The following ADAMTS3 variants were observed in gnomAD, a reference collection of about 807,000 sequenced individuals.
ADAMTS3 encodes A disintegrin and metalloproteinase with thrombospondin motifs 3.
A neutral mutation model predicts 129.0 loss-of-function variants in ADAMTS3; 73 were observed. The observed-to-expected ratio is 0.57, with a 90% confidence interval of 0.47 to 0.69. The LOEUF (loss-of-function observed/expected upper bound fraction) is 0.69, where lower values mean the gene tolerates loss of function less well. ADAMTS3 is among the 30% of genes least tolerant of loss of function. The pLI is 0.00. For synonymous variants in ADAMTS3, 477 were observed against 510.8 expected, an observed-to-expected ratio of 0.93 and a Z score of 0.89; for missense variants, 1,457 against 1,514.5, an observed-to-expected ratio of 0.96 and a Z score of 0.63.
At chr4:72,299,527 G>T (rs1159993050) in intron 17 of ADAMTS3, among the ~76,000 whole-genome samples, 1 of 152,058 alleles carries the variant, frequency 6.6e-6, no homozygotes, top group Non-Finnish European at 1.5e-5. Context: ...TAGACTGAAG[G>T]GAACAAACAC....
In ADAMTS3 at chr4:72,283,224, C is replaced by T. The variant is rs775498535; in HGVS notation, c.3530G>A (p.Gly1177Asp). ...ASFFAASDSI[G>D]ASSQARTSKK... ...TGAGGTTCTTGCCTGAGAAGAAGCACCTATTGAATCACTGGCTGCAAAGAA... is the reference window on the plus strand; with the variant it reads ...TGAGGTTCTTGCCTGAGAAGAAGCATCTATTGAATCACTGGCTGCAAAGAA... Residue 1177 changes from glycine (G) to aspartate (D), a missense_variant, in exon 22 of 22, where the codon GGT (glycine) becomes GAT (aspartate). Gly to Asp is a moderately conservative substitution (Grantham distance 94, BLOSUM62 -1). Transcript: ENST00000286657. 8.7e-6 allele frequency: 14 copies of T among 1,613,706 alleles called. No homozygotes were observed. The Admixed American group carries it at 1.0e-4, about 12-fold the overall frequency.
At chr4:72,428,933 T>G (rs960039839) in intron 3 of ADAMTS3, among the ~76,000 whole-genome samples, 2 of 152,094 alleles carry the variant, frequency 1.3e-5, no homozygotes, top group Non-Finnish European at 2.9e-5. Flanking sequence ...AAGACTCATA[T>G]ACTTAACTCC....
Position 72,563,455 on chromosome 4 carries a change from T to A in ADAMTS3, c.97+3919A>T, listed in dbSNP as rs553856316. Among the ~76,000 whole-genome samples the A allele has an allele frequency of 1.1e-4, 16 of 152,262 alleles. 1 individual carries two copies. The highest frequency in any genetic ancestry group is 3.9e-4 in the African/African-American group (16 of 41,540). On this transcript the variant is annotated intron_variant, in intron 2 of 21. Transcript: ENST00000286657. ...GATTTTAATCTTAGCTTAGCTTATC[T>A]TTCCTGATGCCAGCAATAGGGCAAA...
At chr4:72,512,231 T>G (rs566298316) in intron 3 of ADAMTS3, among the ~76,000 whole-genome samples, 1 of 152,220 alleles carries the variant, frequency 6.6e-6, no homozygotes, top group African/African-American at 2.4e-5. Flanking sequence ...ATCCCTGCAC[T>G]TTGGGAGGCC....
chr4:72,288,635 C>A, intron 21 of ADAMTS3, 116 bp downstream of exon 21: 1 of 704,022 alleles, frequency 1.4e-6, no homozygotes, highest in Non-Finnish European at 2.5e-6. Context: ...CAGGTGTTTT[C>A]CTTTGGTTAT....
chr4:72,415,103 A>C, intron 3 of ADAMTS3, 132 bp from the exon 4 acceptor site: 1 of 579,144 alleles, frequency 1.7e-6, no homozygotes, highest in Non-Finnish European at 2.6e-6. Context: ...TTTGGCCATA[A>C]CTTAAAATAG....
At chr4:72,440,933 A>G (rs1718097075) in intron 3 of ADAMTS3, among the ~76,000 whole-genome samples, 2 of 151,800 alleles carry the variant, frequency 1.3e-5, no homozygotes, top group South Asian at 4.1e-4. Context: ...AACATAAGAT[A>G]CAATGATGCA....
At chr4:72,307,901 G>A (rs984540948) in intron 15 of ADAMTS3, among the ~76,000 whole-genome samples, 3 of 151,910 alleles carry the variant, frequency 2.0e-5, no homozygotes, top group African/African-American at 7.2e-5. Context: ...TATGACAGAT[G>A]AAAATTTTCT....
chr4:72,388,279 A>G (rs1451670336), intron 4 of ADAMTS3, among the ~76,000 whole-genome samples: 1 of 152,196 alleles, frequency 6.6e-6, no homozygotes, highest in African/African-American at 2.4e-5. Context: ...GTATTATACC[A>G]GGTCATACCA....
chr4:72,323,336 G>C (rs376788987), intron 5 of ADAMTS3: 4 of 488,468 alleles, frequency 8.2e-6, no homozygotes, highest in African/African-American at 1.9e-5. Flanking sequence ...ATGCTCAAAA[G>C]GGCTTTGTTA....
At position 72,283,691 on chromosome 4, in the gene ADAMTS3, CA is replaced by C; in HGVS notation, c.3062del (p.Leu1021TrpfsTer43). ...TTTGACAGAATATGGACTTGTCTCCCAAACATGGTTCATCTGCAAAAATAAA... is the reference window on the plus strand; with the variant it reads ...TTTGACAGAATATGGACTTGTCTCCCAACATGGTTCATCTGCAAAAATAAA... ...QLPPCNDEPC[L>X]GDKSIFCQME... On this transcript the variant is annotated frameshift_variant, in exon 22 of 22. Transcript: ENST00000286657. LOFTEE classifies it low-confidence loss of function (END_TRUNC). 6 of 1,569,402 alleles carry C rather than the reference CA, an allele frequency of 3.8e-6. No individual in the cohort carries two copies. The highest frequency in any genetic ancestry group is 5.2e-6 in the Non-Finnish European group (6 of 1,152,826).
At position 72,282,442 on chromosome 4, in the gene ADAMTS3, G is replaced by C. The variant is rs565183189; in HGVS notation, c.*694C>G. ...TTTCTTTTCTTTTTCTATAATTTAC[G>C]TATCACATTGTTGATTCAACAAAAC... On this transcript the variant is annotated 3_prime_UTR_variant, in exon 22 of 22. Coordinates refer to ENST00000286657, the MANE Select transcript of ADAMTS3 (RefSeq NM_014243.3). The C allele has an allele frequency of 1.3e-5, 2 of 152,258 alleles. No individual in the cohort carries two copies. Among genetic ancestry groups the C allele is most frequent in the South Asian group, 2.1e-4 (1 of 4,808 alleles). The allele number at this position is 152,258 out of a possible 1,614,324, so 9.4% of individuals were successfully genotyped here.
At chr4:72,391,646 T>C (rs1323599515) in intron 4 of ADAMTS3, among the ~76,000 whole-genome samples, 1 of 152,174 alleles carries the variant, frequency 6.6e-6, no homozygotes, top group African/African-American at 2.4e-5. Context: ...TTCAACTGTT[T>C]TAGACCTACA....
At chr4:72,559,859 G>A (rs1721858606) in intron 2 of ADAMTS3, among the ~76,000 whole-genome samples, 1 of 151,566 alleles carries the variant, frequency 6.6e-6, no homozygotes, top group Admixed American at 6.6e-5. Context: ...AATTCATATG[G>A]AACCAAAAAA....
At chr4:72,390,981 G>A (rs183467985) in intron 4 of ADAMTS3, among the ~76,000 whole-genome samples, 20 of 151,508 alleles carry the variant, frequency 1.3e-4, no homozygotes, top group Admixed American at 1.3e-3. Flanking sequence ...CTTACTATGA[G>A]CTAACAACCC....
Position 72,283,105 on chromosome 4 carries a change from C to T in ADAMTS3, c.*31G>A, listed in dbSNP as rs1481898111. On this transcript the variant is annotated 3_prime_UTR_variant, in exon 22 of 22. Coordinates refer to ENST00000286657, the MANE Select transcript of ADAMTS3 (RefSeq NM_014243.3). ...GAAGAGAGAGGTTGTCCAGGTTTTC[C>T]TCTGGTTTCTAGCCTTTTTGGTTCA... The T allele has an allele frequency of 6.4e-6, 10 of 1,554,162 alleles. No homozygotes were observed. The Admixed American group carries it at 7.5e-5, about 12-fold the overall frequency.
At chr4:72,475,947 C>A (rs1293927245) in intron 3 of ADAMTS3, among the ~76,000 whole-genome samples, 1 of 151,828 alleles carries the variant, frequency 6.6e-6, no homozygotes, top group East Asian at 1.9e-4. Context: ...TACAACATAT[C>A]AAAATTTGTG....
At chr4:72,402,969 C>G (rs954686412) in intron 4 of ADAMTS3, among the ~76,000 whole-genome samples, 1 of 152,030 alleles carries the variant, frequency 6.6e-6, no homozygotes, top group African/African-American at 2.4e-5. Context: ...CCTGGAAATA[C>G]CAGGGGGTAT....
chr4:72,301,929 T>C (rs542739417), intron 17 of ADAMTS3, among the ~76,000 whole-genome samples: 1 of 151,950 alleles, frequency 6.6e-6, no homozygotes, highest in Non-Finnish European at 1.5e-5. Flanking sequence ...CTGTGTATGC[T>C]CAAGCCAAGA....
Sources: allele counts gnomAD v4.1 joint callset (sites outside exome capture counted in the v4.1 genomes callset), GRCh38; gene constraint gnomAD v4.1.1; transcripts MANE v1.5; gene names NCBI Gene and HGNC (gene_info 2026-07-23, HGNC 2026-07-21).